Variants in SIPA1L3 observed in about 807,000 individuals in gnomAD.
SIPA1L3 encodes signal-induced proliferation-associated 1-like protein 3.
A neutral mutation model predicts 150.1 loss-of-function variants in SIPA1L3; 59 were observed. That is an observed-to-expected ratio of 0.39 (90% CI 0.32 to 0.49). SIPA1L3 has a LOEUF of 0.49. Ranked by LOEUF, SIPA1L3 falls within the 20% of genes least tolerant of loss-of-function variation. The probability of loss-of-function intolerance (pLI) is 0.86; values close to 1 mark genes in which losing one functional copy is unlikely to be tolerated. For synonymous variants in SIPA1L3, 1,070 were observed against 1,077.6 expected, an observed-to-expected ratio of 0.99 and a Z score of 0.14; for missense variants, 2,211 against 2,489.5, an observed-to-expected ratio of 0.89 and a Z score of 2.38.
At chr19:38,044,709 G>A (rs927687124) in intron 2 of SIPA1L3, among the ~76,000 whole-genome samples, 11 of 152,302 alleles carry the variant, frequency 7.2e-5, no homozygotes, top group Non-Finnish European at 1.6e-4. Context: ...ATTGGGGAGA[G>A]GTTAGAACGC....
intron 1 of SIPA1L3, among the ~76,000 whole-genome samples, chr19:38,003,745 T>A (rs532209358): frequency 2.6e-5 from 4 of 152,268 alleles, no homozygotes; most frequent in Admixed American, 6.5e-5. Context: ...CTTTCCTTTG[T>A]CCTCTCTCGG....
chr19:38,011,388 A>G (rs1197270772), intron 1 of SIPA1L3, among the ~76,000 whole-genome samples: 1 of 152,150 alleles, frequency 6.6e-6, no homozygotes, highest in Non-Finnish European at 1.5e-5. Flanking sequence ...AGGTGGGGGA[A>G]TCACTTGAGC....
chr19:38,052,205 G>GC (rs1254319824), intron 2 of SIPA1L3, among the ~76,000 whole-genome samples: 1 of 152,192 alleles, frequency 6.6e-6, no homozygotes, highest in Non-Finnish European at 1.5e-5. Context: ...ATTCTCAGAT[G>GC]CCCCTAAGAC....
chr19:38,068,427 C>T (rs764943006), intron 2 of SIPA1L3, among the ~76,000 whole-genome samples: 5 of 152,162 alleles, frequency 3.3e-5, no homozygotes, highest in South Asian at 2.1e-4. Flanking sequence ...GCGTCATTCA[C>T]GTATTCCCAC....
At chr19:38,183,623 C>A (rs1339952223) in intron 16 of SIPA1L3, among the ~76,000 whole-genome samples, 1 of 152,158 alleles carries the variant, frequency 6.6e-6, no homozygotes, top group African/African-American at 2.4e-5. Context: ...AGTAAGGAAT[C>A]CCGAATTCAG....
intron 1 of SIPA1L3, among the ~76,000 whole-genome samples, chr19:37,954,134 C>A (rs572972538): frequency 6.6e-6 from 1 of 151,806 alleles, no homozygotes; most frequent in South Asian, 2.1e-4. Context: ...AAGCTGAAAG[C>A]AATCATGTAA....
chr19:38,045,787 C>T (rs1969042806), intron 2 of SIPA1L3, among the ~76,000 whole-genome samples: 1 of 151,814 alleles, frequency 6.6e-6, no homozygotes, highest in South Asian at 2.1e-4. Flanking sequence ...AGTCTGTGTG[C>T]AGGTCCAAGG....
At chr19:38,080,892 C>G (rs770553437) in intron 2 of SIPA1L3, among the ~76,000 whole-genome samples, 1 of 151,650 alleles carries the variant, frequency 6.6e-6, no homozygotes, top group Non-Finnish European at 1.5e-5. Context: ...ATCATTCGAA[C>G]CTTCGAGGTG....
chr19:37,982,043 G>A (rs1055580368), intron 1 of SIPA1L3, among the ~76,000 whole-genome samples: 1 of 152,208 alleles, frequency 6.6e-6, no homozygotes, highest in Admixed American at 6.5e-5. Context: ...CAGTTTGCAA[G>A]AAGTCACCCG....
rs569098152 is a variant in SIPA1L3, at chr19:38,083,000, C to T, written c.1435C>T (p.Pro479Ser). 7.3e-5 allele frequency: 117 copies of T among 1,613,304 alleles called. 1 individual carries two copies. In the East Asian group the frequency reaches 2.3e-3, roughly 32 times the overall value. ...TNASISVLEV[P>S]KEQQRTQSRP... ...CGCCAGCATCTCGGTGTTGGAAGTT[C>T]CCAAGGAGCAGCAGCGGACGCAGAG... The change falls in exon 3 of 22, where the codon CCC (proline) becomes TCC (serine). Residue 479 changes from proline to serine, a missense_variant. By Grantham distance (74) the Pro-to-Ser change is moderately conservative. Coordinates refer to ENST00000222345, the MANE Select transcript of SIPA1L3 (RefSeq NM_015073.3).
At chr19:38,068,218 A>G (rs1969640421) in intron 2 of SIPA1L3, among the ~76,000 whole-genome samples, 1 of 151,190 alleles carries the variant, frequency 6.6e-6, no homozygotes, top group African/African-American at 2.4e-5. Context: ...TTTAGTAGAG[A>G]CGGGGTTTCA....
chr19:38,026,811 A>T (rs1444827388), intron 1 of SIPA1L3, among the ~76,000 whole-genome samples: 2 of 152,130 alleles, frequency 1.3e-5, no homozygotes, highest in Non-Finnish European at 2.9e-5. Context: ...TGAAATTAAC[A>T]TTTTTTTATG....
At chr19:38,141,051 CTG>C in intron 10 of SIPA1L3, 131 bp from the exon 11 acceptor site, 1 of 936,462 alleles carries the variant, frequency 1.1e-6, no homozygotes, top group Non-Finnish European at 1.5e-6. Flanking sequence ...AAGCAAGACT[CTG>C]TCTCAAAAAA....
chr19:37,909,157 A>G (rs916161561), intron 1 of SIPA1L3, among the ~76,000 whole-genome samples: 3 of 152,222 alleles, frequency 2.0e-5, no homozygotes, highest in African/African-American at 7.2e-5. Flanking sequence ...CTGCCATTTC[A>G]TAGAAACACC....
chr19:38,111,955 GCA>G (rs1161236442), intron 8 of SIPA1L3, among the ~76,000 whole-genome samples: 8 of 146,004 alleles, frequency 5.5e-5, no homozygotes, highest in South Asian at 2.2e-4. Flanking sequence ...ACACATACAT[GCA>G]CACACGTACA....
rs1265699958 is a variant in SIPA1L3 at position 38,141,244 on chromosome 19, C to G, written c.3204C>G (p.Ile1068Met). Reference protein sequence around the residue: ...TSEPKTEQESITPGGRPPYRS... With the variant: ...TSEPKTEQESMTPGGRPPYRS... ...AGCCCAAGACGGAGCAGGAAAGCAT[C>G]ACTCCTGGGGGCCGGCCCCCCTACC... The change falls in exon 11 of 22, where the codon ATC becomes ATG. Residue 1068 changes from isoleucine (I) to methionine (M), a missense_variant. Around this residue, in one of 5 missense-constraint regions of SIPA1L3, gnomAD observed 625 missense variants for 804.2 expected, o/e 0.78. Transcript: ENST00000222345. 6.2e-7 allele frequency: 1 copy of G among 1,613,390 alleles called. No homozygotes were observed. The highest frequency in any genetic ancestry group is 8.5e-7 in the Non-Finnish European group (1 of 1,179,728).
chr19:38,126,208 C>A lies in SIPA1L3; in HGVS notation c.2869-4290C>A, dbSNP rs1056303491. ...AAACAAAAACAAAAACAAAACAAAA[C>A]AAAAAAAAACACCACGCAATTGAAG... is the stretch of plus-strand genomic sequence containing the variant. On this transcript the variant is annotated intron_variant, in intron 9 of 21. Transcript: ENST00000222345. Among the ~76,000 whole-genome samples the A allele has an allele frequency of 8.0e-5, 12 of 150,038 alleles. No homozygotes were observed. In the South Asian group the frequency reaches 1.3e-3, roughly 16 times the overall value.
In SIPA1L3 at chr19:38,119,382, G is replaced by A. The variant is rs769466798; in HGVS notation, c.2368G>A (p.Asp790Asn). Residue 790 changes from aspartate to asparagine, a missense_variant, in exon 9 of 22, where the codon GAC becomes AAC. Physicochemically the swap from Asp to Asn is conservative, Grantham distance 23. Coordinates refer to ENST00000222345, the MANE Select transcript of SIPA1L3 (RefSeq NM_015073.3). ...IPSGTTFRKS[D>N]VFRDFLLAKV... Reference sequence around the variant, plus strand: ...CAGTGGAACCACATTCCGCAAATCCGACGTCTTCAGAGACTTCTTGCTGGC... The same window carrying A: ...CAGTGGAACCACATTCCGCAAATCCAACGTCTTCAGAGACTTCTTGCTGGC... The A allele has an allele frequency of 2.1e-5, 34 of 1,613,942 alleles. No individual in the cohort carries two copies. Among genetic ancestry groups the A allele is most frequent in the Middle Eastern group, 1.6e-4 (1 of 6,084 alleles).
intron 1 of SIPA1L3, among the ~76,000 whole-genome samples, chr19:37,998,810 C>T (rs1177343105): frequency 1.3e-5 from 2 of 151,794 alleles, no homozygotes; most frequent in African/African-American, 4.8e-5. Flanking sequence ...CAATAAAATA[C>T]TTTGGTAAGA....
Sources: gnomAD v4.1 joint callset for allele counts (sites outside exome capture counted in the v4.1 genomes callset) on GRCh38, gnomAD v4.1.1 for gene constraint, gnomAD v4.1.1 regional missense constraint, MANE v1.5 for transcripts, NCBI Gene and HGNC (gene_info 2026-07-23, HGNC 2026-07-21) for gene names.